The following ACAD11 variants were observed in gnomAD, a reference collection of about 807,000 sequenced individuals.
The protein encoded by ACAD11 is acyl-Coenzyme A dehydrogenase family, member 11.
Under a neutral mutation model 102.2 loss-of-function variants are expected in ACAD11, and 83 were observed. The observed-to-expected ratio is 0.81, with a 90% CI of 0.68 to 0.97. The LOEUF (loss-of-function observed/expected upper bound fraction) is 0.97. Ranked by LOEUF, ACAD11 falls within the 50% of genes least tolerant of loss-of-function variation. The probability of loss-of-function intolerance (pLI) is 0.00; values close to 1 mark genes in which losing one functional copy is unlikely to be tolerated. For synonymous variants in ACAD11, 324 were observed against 319.8 expected (o/e 1.01, Z -0.14); for missense variants, 901 against 951.7 (o/e 0.95, Z 0.70).
chr3:132,630,634 C>T (rs986489544), intron 6 of ACAD11, 76 bp from the exon 7 acceptor site: 13 of 1,330,166 alleles, frequency 9.8e-6, no homozygotes, highest in African/African-American at 3.0e-5. Context: ...GAGACTGAGA[C>T]GCATATGTAA....
intron 2 of ACAD11, among the ~76,000 whole-genome samples, chr3:132,644,101 C>G (rs1431714189): frequency 6.6e-6 from 1 of 152,166 alleles, no homozygotes; most frequent in African/African-American, 2.4e-5. Flanking sequence ...TCTACATTCT[C>G]TATTACTGTG....
intron 9 of ACAD11, among the ~76,000 whole-genome samples, chr3:132,624,333 G>A (rs370155676): frequency 1.1e-4 from 17 of 151,196 alleles, no homozygotes; most frequent in African/African-American, 2.9e-4. Context: ...AAGGCCGGGC[G>A]TGGTGGCTCA....
At chr3:132,642,913 A>G in intron 2 of ACAD11, 111 bp from the exon 3 acceptor site, 1 of 1,076,300 alleles carries the variant, frequency 9.3e-7, no homozygotes, top group Non-Finnish European at 1.4e-6. Context: ...GTAAAACAGT[A>G]TCAACACAAA....
Position 132,659,638 on chromosome 3 carries a change from G to C in ACAD11, c.114C>G (p.Ala38=), listed in dbSNP as rs1323824315. Reference sequence around the variant, plus strand: ...CAATGGTCAGCGTAGCCTCACGTTCGGCCCCAAAGCCAGACAAGTGCTGGT... The same window carrying C: ...CAATGGTCAGCGTAGCCTCACGTTCCGCCCCAAAGCCAGACAAGTGCTGGT... ...YLNQHLSGFG[A]EREATLTIAQ... Residue 38 remains alanine, a synonymous_variant, in exon 1 of 20, where the codon GCC becomes GCG. Transcript: ENST00000264990. 1 of 1,610,142 alleles carries C rather than the reference G, an allele frequency of 6.2e-7. No individual in the cohort carries two copies. Among genetic ancestry groups the C allele is most frequent in the Non-Finnish European group, 8.5e-7 (1 of 1,178,386 alleles).
chr3:132,598,266 A>C (rs1202784259), intron 13 of ACAD11, among the ~76,000 whole-genome samples: 1 of 152,228 alleles, frequency 6.6e-6, no homozygotes, highest in Non-Finnish European at 1.5e-5. Flanking sequence ...AAAACTTACG[A>C]ATTCTGTGCA....
chr3:132,606,382 T>C (rs2107829253), intron 11 of ACAD11, among the ~76,000 whole-genome samples: 1 of 152,356 alleles, frequency 6.6e-6, no homozygotes, highest in Non-Finnish European at 1.5e-5. Context: ...TTGTTTGTTT[T>C]CTTTGCCTGT....
intron 5 of ACAD11, among the ~76,000 whole-genome samples, chr3:132,632,190 T>C (rs1940071727): frequency 6.6e-6 from 1 of 151,976 alleles, no homozygotes; most frequent in African/African-American, 2.4e-5. Context: ...TTCACACCAT[T>C]CTCCTGCCTC....
chr3:132,619,562 A>T lies in ACAD11; in HGVS notation c.1198-17T>A. The T allele has an allele frequency of 6.8e-7, 1 of 1,476,620 alleles. No homozygotes were observed. The highest frequency in any genetic ancestry group is 1.4e-5 in the African/African-American group (1 of 70,078). The allele number at this position is 1,476,620 out of a possible 1,614,324, so 91.5% of individuals were successfully genotyped here. ...AGTTACCTCCTTAAAGTAATAAAAG[A>T]AAAAAATTTCACTAGCTAAAGTTAA... On this transcript the variant is annotated splice_polypyrimidine_tract_variant and intron_variant, in intron 9 of 19. Transcript: ENST00000264990.
At chr3:132,583,334 G>C (rs1185914067) in intron 13 of ACAD11, among the ~76,000 whole-genome samples, 1 of 152,146 alleles carries the variant, frequency 6.6e-6, no homozygotes, top group Non-Finnish European at 1.5e-5. Flanking sequence ...TAGTTTATTT[G>C]CATAGAGGTG....
At position 132,630,521 on chromosome 3, in the gene ACAD11, G is replaced by A. The variant is rs568749207; in HGVS notation, c.879C>T (p.Cys293=). 479 of 1,612,112 alleles carry A rather than the reference G, an allele frequency of 3.0e-4. 6 individuals carry two copies. In the South Asian group the frequency reaches 5.1e-3, roughly 17 times the overall value. ...GAATAGAATTAATTCCCCTGCAGCGGCAATATATTGAAATCAGTTCTTCCA... is the reference window on the plus strand; with the variant it reads ...GAATAGAATTAATTCCCCTGCAGCGACAATATATTGAAATCAGTTCTTCCA... ...PSMEELISIY[C]RCRGINSILP... Residue 293 remains cysteine, a synonymous_variant, in exon 7 of 20, where the codon TGC becomes TGT. Transcript: ENST00000264990.
intron 16 of ACAD11, among the ~76,000 whole-genome samples, chr3:132,576,159 T>C (rs1576553136): frequency 6.6e-6 from 1 of 152,226 alleles, no homozygotes; most frequent in Non-Finnish European, 1.5e-5. Flanking sequence ...CTCTTAAGTA[T>C]GTACTATGCA....
Position 132,642,703 on chromosome 3 carries a change from C to A in ACAD11, c.349G>T (p.Glu117Ter). 1 of 1,610,182 alleles carries A rather than the reference C, an allele frequency of 6.2e-7. No homozygotes were observed. Among genetic ancestry groups the A allele is most frequent in the Non-Finnish European group, 8.5e-7 (1 of 1,178,884 alleles). Reference protein sequence around the residue: ...YCSDTSVIGTEFYVMEHVQGR... With the variant: ...YCSDTSVIGT ...TGCACATGTTCCATTACGTAAAATT[C>A]TGTTCCAATGACAGAAGTATCACTG... Residue 117 changes from glutamate to a stop codon, truncating the protein, a stop_gained, in exon 3 of 20, where the codon GAA becomes TAA. Coordinates refer to ENST00000264990, the MANE Select transcript of ACAD11 (RefSeq NM_032169.5). LOFTEE classifies it high-confidence loss of function.
At chr3:132,656,082 C>A (rs1937782029) in intron 1 of ACAD11, among the ~76,000 whole-genome samples, 1 of 152,144 alleles carries the variant, frequency 6.6e-6, no homozygotes. Flanking sequence ...ATTTATCATT[C>A]CCTTGAAGTT....
At chr3:132,655,163 G>T (rs1375931722) in intron 1 of ACAD11, among the ~76,000 whole-genome samples, 1 of 152,124 alleles carries the variant, frequency 6.6e-6, no homozygotes, top group Non-Finnish European at 1.5e-5. Flanking sequence ...CTTACACTAT[G>T]ACCACTTCTT....
At chr3:132,652,790 A>G (rs1377797291) in intron 1 of ACAD11, among the ~76,000 whole-genome samples, 11 of 152,174 alleles carry the variant, frequency 7.2e-5, no homozygotes, top group Admixed American at 4.6e-4. Flanking sequence ...AGTCCCTTAG[A>G]GGGTAGCTTC....
intron 4 of ACAD11, 114 bp downstream of exon 4, chr3:132,641,858 A>T (rs894516158): frequency 2.0e-6 from 2 of 977,094 alleles, no homozygotes; most frequent in African/African-American, 3.3e-5. Flanking sequence ...GGACAATGTT[A>T]AAAGTCATGG....
chr3:132,604,675 G>A (rs1196023952), intron 12 of ACAD11, among the ~76,000 whole-genome samples: 1 of 152,144 alleles, frequency 6.6e-6, no homozygotes, highest in Non-Finnish European at 1.5e-5. Context: ...CATATGTCCA[G>A]TACTGGTGAA....
Position 132,575,944 on chromosome 3 carries a change from A to C in ACAD11, c.1847-18T>G. On this transcript the variant is annotated intron_variant, in intron 16 of 19. Coordinates refer to ENST00000264990, the MANE Select transcript of ACAD11 (RefSeq NM_032169.5). The stretch of plus-strand genomic sequence containing the variant: ...ACCTTCACCTGGGAAGAAAGGGGAA[A>C]AAAAGGGGGAATGTGAAAATGGCCT... The C allele has an allele frequency of 6.2e-7, 1 of 1,612,800 alleles. No individual in the cohort carries two copies. Among genetic ancestry groups the C allele is most frequent in the Non-Finnish European group, 8.5e-7 (1 of 1,178,962 alleles).
intron 13 of ACAD11, chr3:132,602,072 G>A (rs528872520): frequency 6.0e-6 from 1 of 166,134 alleles, no homozygotes; most frequent in Non-Finnish European, 1.5e-5. Flanking sequence ...ATACAAGAAC[G>A]ATTTCCCTGC....
Sources: allele counts gnomAD v4.1 joint callset (sites outside exome capture counted in the v4.1 genomes callset), GRCh38; gene constraint gnomAD v4.1.1; transcripts MANE v1.5; gene names NCBI Gene and HGNC (gene_info 2026-07-23, HGNC 2026-07-21).